The following ZMYM1 variants were observed in gnomAD, a reference collection of about 807,000 sequenced individuals.
ZMYM1 encodes zinc finger MYM-type containing 1, also known as zinc finger MYM-type protein 1.
Under a neutral mutation model 60.0 loss-of-function variants are expected in ZMYM1, and 39 were observed. The ratio of observed to expected loss-of-function variants is 0.65; its 90% confidence interval spans 0.50 to 0.85. The LOEUF (loss-of-function observed/expected upper bound fraction) is 0.85, where lower values mean the gene tolerates loss of function less well. Ranked by LOEUF, ZMYM1 falls within the 40% of genes least tolerant of loss-of-function variation. The probability of loss-of-function intolerance (pLI) is 0.00; values close to 1 mark genes in which losing one functional copy is unlikely to be tolerated. For synonymous variants in ZMYM1, 413 were observed against 454.0 expected, an observed-to-expected ratio of 0.91 and a Z score of 1.15; for missense variants, 1,171 against 1,309.5, an observed-to-expected ratio of 0.89 and a Z score of 1.63.
rs796494032 is a variant in ZMYM1, at chr1:35,107,915, C to T, written c.808-2379C>T. ...CTTGAGGTCAGGAGTTCAAGACCAG[C>T]CTGGCCAACATGGTGAAACTCCATC... is the stretch of plus-strand genomic sequence containing the variant. On this transcript the variant is annotated intron_variant, in intron 6 of 9. Transcript: ENST00000359858. Among the ~76,000 whole-genome samples, 39 of 152,238 alleles carry T rather than the reference C, an allele frequency of 2.6e-4. 1 individual carries two copies. Among genetic ancestry groups the T allele is most frequent in the African/African-American group, 8.9e-4 (37 of 41,558 alleles).
At chr1:35,087,779 T>C (rs1021243132) in intron 1 of ZMYM1, among the ~76,000 whole-genome samples, 3 of 151,580 alleles carry the variant, frequency 2.0e-5, no homozygotes, top group Non-Finnish European at 1.5e-5. Flanking sequence ...AGAATGAATA[T>C]GGGCCGAGGG....
At chr1:35,118,443 G>C (rs1468334920), downstream of ZMYM1, among the ~76,000 whole-genome samples, 9 of 151,958 alleles carry the variant, frequency 5.9e-5, 1 homozygote, top group African/African-American at 2.2e-4. Context: ...TCAAGAAGTT[G>C]GGCCAGGCAT....
chr1:35,096,431 G>A (rs916401987), intron 3 of ZMYM1, among the ~76,000 whole-genome samples: 2 of 151,990 alleles, frequency 1.3e-5, no homozygotes, highest in Non-Finnish European at 2.9e-5. Context: ...TTTGAGACCA[G>A]CCTGGGCAAC....
rs1005014934 is a variant in ZMYM1 at position 35,114,549 on chromosome 1, G to A, written c.2719G>A (p.Val907Ile). 1.4e-5 allele frequency: 23 copies of A among 1,610,188 alleles called. No homozygotes were observed. Among genetic ancestry groups the A allele is most frequent in the African/African-American group, 8.0e-5 (6 of 74,768 alleles). ...ATGTTTATCATCTGAAAGAAATGAC[G>A]TATACTTTAAAACAATCTGGGATGG... ...LECLSSERNDVYFKTIWDGTE... is the reference protein window; with the variant it reads ...LECLSSERNDIYFKTIWDGTE... Residue 907 changes from valine to isoleucine, a missense_variant, in exon 10 of 10, where the codon GTA becomes ATA. Val to Ile is a conservative substitution (Grantham distance 29). Coordinates refer to ENST00000359858, the MANE Select transcript of ZMYM1 (RefSeq NM_024772.5).
At chr1:35,080,536 C>T (rs903945085) in intron 1 of ZMYM1, among the ~76,000 whole-genome samples, 3 of 151,842 alleles carry the variant, frequency 2.0e-5, no homozygotes, top group Non-Finnish European at 4.4e-5. Context: ...AGGCTGGTCT[C>T]GAACTCCTGA....
intron 2 of ZMYM1, among the ~76,000 whole-genome samples, chr1:35,095,548 T>C (rs970880436): frequency 2.0e-5 from 3 of 151,006 alleles, no homozygotes; most frequent in African/African-American, 7.3e-5. Flanking sequence ...ATTCAATATG[T>C]CTGCTCCCTA....
intron 1 of ZMYM1, among the ~76,000 whole-genome samples, chr1:35,063,533 C>T (rs960695205): frequency 6.6e-6 from 1 of 151,982 alleles, no homozygotes; most frequent in Non-Finnish European, 1.5e-5. Flanking sequence ...GAACTCCTGG[C>T]CTCAAGCAGT....
chr1:35,088,805 C>T (rs1338863784), intron 1 of ZMYM1, among the ~76,000 whole-genome samples: 11 of 119,596 alleles, frequency 9.2e-5, no homozygotes, highest in South Asian at 2.6e-4. Context: ...GGATGCTTTC[C>T]TTTTTTTTTT....
rs186681142 is a variant in ZMYM1 at position 35,071,950 on chromosome 1, C to T, written c.-300-7044C>T. On this transcript the variant is annotated intron_variant, in intron 1 of 10. Transcript: ENST00000417119. ...GGTCAGGAGTTCGAACCAGCCTGAC[C>T]AACATGGTGAAACCCTGTCTCTACT... Among the ~76,000 whole-genome samples the T allele has an allele frequency of 4.2e-3, 634 of 152,190 alleles. 2 individuals are homozygous for T. The highest frequency in any genetic ancestry group is 0.01 in the Middle Eastern group (3 of 294).
intron 1 of ZMYM1, among the ~76,000 whole-genome samples, chr1:35,091,887 CAAA>C (rs779081046): frequency 4.6e-4 from 39 of 84,518 alleles, no homozygotes; most frequent in African/African-American, 1.4e-3. Context: ...GATCTTGTCT[CAAA>C]AAAAAAAAAA....
At chr1:35,100,735 A>G (rs942623610) in intron 4 of ZMYM1, among the ~76,000 whole-genome samples, 2 of 152,072 alleles carry the variant, frequency 1.3e-5, no homozygotes, top group South Asian at 2.1e-4. Context: ...TGCAATCAAT[A>G]AAGTCCAAAA....
intron 1 of ZMYM1, among the ~76,000 whole-genome samples, chr1:35,061,771 G>A (rs952386160): frequency 1.3e-5 from 2 of 150,312 alleles, no homozygotes; most frequent in Admixed American, 6.7e-5. Context: ...GCAAGACTCC[G>A]TGTCAAAAAA....
chr1:35,096,527 C>T (rs1228568564), intron 3 of ZMYM1, among the ~76,000 whole-genome samples: 10 of 147,234 alleles, frequency 6.8e-5, no homozygotes, highest in African/African-American at 2.5e-4. Flanking sequence ...GAGGCTGAGG[C>T]GGGAGGTTTT....
chr1:35,104,274 G>A (rs941419783), intron 4 of ZMYM1, 21 bp from the exon 5 acceptor site: 1 of 1,539,050 alleles, frequency 6.5e-7, no homozygotes, highest in Non-Finnish European at 8.7e-7. Flanking sequence ...GTTTAATGAT[G>A]TCCTTGTTAT....
chr1:35,064,342 A>T (rs1417330669), intron 1 of ZMYM1, among the ~76,000 whole-genome samples: 1 of 151,516 alleles, frequency 6.6e-6, no homozygotes, highest in African/African-American at 2.4e-5. Context: ...GAAATAGACA[A>T]ATCCACAATT....
chr1:35,060,287 A>G (rs1227838699), intron 1 of ZMYM1, among the ~76,000 whole-genome samples: 1 of 151,668 alleles, frequency 6.6e-6, no homozygotes, highest in South Asian at 2.1e-4. Flanking sequence ...CAGCCTCCCA[A>G]GTAGCTGGGA....
chr1:35,090,669 G>A (rs1314116958), intron 1 of ZMYM1, among the ~76,000 whole-genome samples: 7 of 152,160 alleles, frequency 4.6e-5, no homozygotes, highest in Admixed American at 4.6e-4. Flanking sequence ...TTATTTGACT[G>A]GGTGTGGTGG....
intron 8 of ZMYM1, 46 bp from the exon 9 acceptor site, chr1:35,112,041 T>C (rs557907171): frequency 3.8e-6 from 6 of 1,584,372 alleles, no homozygotes; most frequent in Non-Finnish European, 4.3e-6. Flanking sequence ...TGCTATTTTA[T>C]AGGTTATAGT....
At chr1:35,106,883 G>T (rs1416862024) in intron 6 of ZMYM1, among the ~76,000 whole-genome samples, 2 of 150,756 alleles carry the variant, frequency 1.3e-5, no homozygotes, top group Non-Finnish European at 3.0e-5. Flanking sequence ...ACGGAGTCTC[G>T]CTCTGTCGCC....
Sources: gnomAD v4.1 joint callset for allele counts (sites outside exome capture counted in the v4.1 genomes callset) on GRCh38, gnomAD v4.1.1 for gene constraint, MANE v1.5 for transcripts, NCBI Gene and HGNC (gene_info 2026-07-23, HGNC 2026-07-21) for gene names.